CSMD1: variants seen among roughly 807,000 people sequenced by gnomAD.
The protein encoded by CSMD1 is CUB and sushi domain-containing protein 1.
In CSMD1, 213 loss-of-function variants were observed where a neutral mutation model predicts 417.5. The observed-to-expected ratio is 0.51, with a 90% CI of 0.46 to 0.57. The LOEUF is 0.57. Ranked by LOEUF, CSMD1 falls within the 20% of genes least tolerant of loss-of-function variation. CSMD1 has a pLI of 0.00. For missense variants in CSMD1, 6,923 were observed against 4,529.7 expected, an observed-to-expected ratio of 1.53 and a Z score of -15.17; for synonymous variants, 2,862 against 1,736.8, an observed-to-expected ratio of 1.65 and a Z score of -16.11.
At chr8:3,629,396 T>C (rs551648314) in intron 7 of CSMD1, among the ~76,000 whole-genome samples, 1 of 152,222 alleles carries the variant, frequency 6.6e-6, no homozygotes, top group Non-Finnish European at 1.5e-5. Context: ...ATATAGTTAT[T>C]GTTGGAAATT....
chr8:4,120,825 A>C (rs1007500611), intron 3 of CSMD1, among the ~76,000 whole-genome samples: 20 of 152,206 alleles, frequency 1.3e-4, no homozygotes, highest in Admixed American at 9.8e-4. Context: ...AGAAATCACA[A>C]AACAAAGGAG....
chr8:3,182,291 G>T (rs1015419032), intron 36 of CSMD1, among the ~76,000 whole-genome samples: 1 of 152,114 alleles, frequency 6.6e-6, no homozygotes, highest in Non-Finnish European at 1.5e-5. Context: ...CTGTCACCCA[G>T]GCTGGAGTGC....
intron 4 of CSMD1, among the ~76,000 whole-genome samples, chr8:4,029,155 G>C (rs906660898): frequency 7.2e-5 from 11 of 152,178 alleles, no homozygotes; most frequent in African/African-American, 2.4e-4. Flanking sequence ...AACAGGGCTA[G>C]AAGGACATAA....
chr8:3,549,579 G>C (rs755110051), intron 10 of CSMD1, among the ~76,000 whole-genome samples: 7 of 152,182 alleles, frequency 4.6e-5, no homozygotes, highest in Non-Finnish European at 1.0e-4. Flanking sequence ...ATTTGTTAAT[G>C]AATTACTGGA....
chr8:3,140,510 T>G (rs1012033213), intron 41 of CSMD1, among the ~76,000 whole-genome samples: 2 of 152,174 alleles, frequency 1.3e-5, no homozygotes, highest in Non-Finnish European at 1.5e-5. Flanking sequence ...ACTGGTTTAG[T>G]CTCCAGTTTC....
chr8:3,357,640 T>C (rs1808880843), intron 21 of CSMD1, among the ~76,000 whole-genome samples: 1 of 152,218 alleles, frequency 6.6e-6, no homozygotes, highest in African/African-American at 2.4e-5. Context: ...TACTGACTGT[T>C]ACATATCTAG....
intron 3 of CSMD1, among the ~76,000 whole-genome samples, chr8:4,337,251 CAT>C (rs1274007728): frequency 2.0e-5 from 3 of 152,084 alleles, no homozygotes; most frequent in Non-Finnish European, 4.4e-5. Flanking sequence ...CCTGATAAAA[CAT>C]AGCATCATGG....
Position 4,346,866 on chromosome 8 carries a change from C to G in CSMD1, c.415+73087G>C, listed in dbSNP as rs192955653. On this transcript the variant is annotated intron_variant, in intron 3 of 69. Transcript: ENST00000635120. ...GGCCTGAGGCCATCTCCACCTCTCT[C>G]AACATGTCATTCTGGCTGGATTGTA... Among the ~76,000 whole-genome samples the G allele has an allele frequency of 2.1e-3, 322 of 152,300 alleles. 2 individuals are homozygous for G. Among genetic ancestry groups the G allele is most frequent in the Non-Finnish European group, 3.7e-3 (249 of 68,028 alleles).
chr8:3,472,938 T>C (rs1817188892), intron 11 of CSMD1, among the ~76,000 whole-genome samples: 1 of 152,020 alleles, frequency 6.6e-6, no homozygotes, highest in South Asian at 2.1e-4. Flanking sequence ...ACCACTGTTT[T>C]CTCCCCATTT....
intron 23 of CSMD1, among the ~76,000 whole-genome samples, chr8:3,310,847 A>T (rs1479003392): frequency 6.6e-6 from 1 of 152,118 alleles, no homozygotes; most frequent in Non-Finnish European, 1.5e-5. Context: ...ATGTGACCCG[A>T]ACTTCTCGTT....
chr8:4,165,158 T>C (rs367852278), intron 3 of CSMD1, among the ~76,000 whole-genome samples: 88 of 152,266 alleles, frequency 5.8e-4, no homozygotes, highest in African/African-American at 2.0e-3. Context: ...CCTCCACTGC[T>C]TAATATGATA....
chr8:4,057,308 C>T (rs541055163), intron 3 of CSMD1, among the ~76,000 whole-genome samples: 14 of 152,102 alleles, frequency 9.2e-5, no homozygotes, highest in Non-Finnish European at 2.1e-4. Context: ...TTTTCATGTG[C>T]TTTTTGGCTG....
intron 1 of CSMD1, among the ~76,000 whole-genome samples, chr8:4,714,169 T>C (rs997647270): frequency 1.3e-5 from 2 of 152,022 alleles, no homozygotes; most frequent in Non-Finnish European, 2.9e-5. Flanking sequence ...AAGAATACCT[T>C]GTGTTCTGCA....
In CSMD1 at chr8:3,387,479, C is replaced by G. The variant is rs767781905; in HGVS notation, c.2782+15G>C. 1 of 1,583,748 alleles carries G rather than the reference C, an allele frequency of 6.3e-7. No homozygotes were observed. Among genetic ancestry groups the G allele is most frequent in the Admixed American group, 1.8e-5 (1 of 56,302 alleles). On this transcript the variant is annotated intron_variant, in intron 18 of 69. Transcript: ENST00000635120. Reference sequence around the variant, plus strand: ...CACACCCTGCTGGTGCATTGCCTCACTGAGCTGTACCTACCGTCGCAGCTG... The same window carrying G: ...CACACCCTGCTGGTGCATTGCCTCAGTGAGCTGTACCTACCGTCGCAGCTG...
chr8:3,052,096 T>G (rs1171802316), intron 50 of CSMD1, among the ~76,000 whole-genome samples: 1 of 152,192 alleles, frequency 6.6e-6, no homozygotes, highest in Non-Finnish European at 1.5e-5. Flanking sequence ...GGAAAGATTG[T>G]GTTACATTAT....
intron 5 of CSMD1, among the ~76,000 whole-genome samples, chr8:3,927,918 C>G (rs1809860139): frequency 6.6e-6 from 1 of 152,090 alleles, no homozygotes; most frequent in African/African-American, 2.4e-5. Context: ...CATTTTACAT[C>G]AAATTCTTTG....
intron 2 of CSMD1, among the ~76,000 whole-genome samples, chr8:4,423,473 C>T (rs576281733): frequency 6.6e-6 from 1 of 152,088 alleles, no homozygotes; most frequent in African/African-American, 2.4e-5. Flanking sequence ...CAAAGAAAAG[C>T]TTCTGTATAA....
In CSMD1 at chr8:3,189,985, A is replaced by T. The variant is rs780159583; in HGVS notation, c.5325T>A (p.Gly1775=). 4.4e-6 allele frequency: 7 copies of T among 1,598,854 alleles called. No individual in the cohort carries two copies. The highest frequency in any genetic ancestry group is 6.0e-6 in the Non-Finnish European group (7 of 1,173,146). Residue 1775 remains glycine (G), a synonymous_variant, in exon 34 of 70, where the codon GGT becomes GGA. Transcript: ENST00000635120. ...FECNPGYLLQ[G]STALHCQSVP... is the part of the protein sequence containing the mutation. ...CGGACTGGCAGTGGAGCGCCGTGGA[A>T]CCCTGAAGCAGGTATCCCGGGTTGC...
At chr8:4,782,921 T>C (rs546621737) in intron 1 of CSMD1, among the ~76,000 whole-genome samples, 1 of 151,664 alleles carries the variant, frequency 6.6e-6, no homozygotes, top group South Asian at 2.1e-4. Flanking sequence ...ATATTTGGAT[T>C]CTTATAAAAC....
Sources: allele counts gnomAD v4.1 joint callset (sites outside exome capture counted in the v4.1 genomes callset), GRCh38; gene constraint gnomAD v4.1.1; transcripts MANE v1.5; gene names NCBI Gene and HGNC (gene_info 2026-07-23, HGNC 2026-07-21).